Variants in MCF2L observed in about 807,000 individuals in gnomAD.
MCF2L encodes the protein MCF.2 cell line derived transforming sequence like.
In MCF2L, 97 loss-of-function variants were observed where a neutral mutation model predicts 153.4. The ratio of observed to expected loss-of-function variants is 0.63; its 90% confidence interval spans 0.54 to 0.75. The LOEUF (loss-of-function observed/expected upper bound fraction) is 0.75, where lower values mean the gene tolerates loss of function less well. MCF2L is among the 30% of genes least tolerant of loss of function. The probability of loss-of-function intolerance (pLI) is 0.00; values close to 1 mark genes in which losing one functional copy is unlikely to be tolerated. For synonymous variants in MCF2L, 659 were observed against 632.2 expected, an observed-to-expected ratio of 1.04 and a Z score of -0.64; for missense variants, 1,347 against 1,495.2, an observed-to-expected ratio of 0.90 and a Z score of 1.64.
At chr13:113,011,983 G>T (rs1293616704) in intron 1 of MCF2L, among the ~76,000 whole-genome samples, 2 of 113,270 alleles carry the variant, frequency 1.8e-5, no homozygotes, top group Non-Finnish European at 3.9e-5. Flanking sequence ...TGGGTGGATG[G>T]TGGACACTGC....
chr13:112,973,308 G>T (rs186163959), intron 1 of MCF2L, among the ~76,000 whole-genome samples: 7 of 152,290 alleles, frequency 4.6e-5, no homozygotes, highest in Non-Finnish European at 8.8e-5. Context: ...GCCAAATGAG[G>T]TACGTCTGTG....
rs776758887 is a variant in MCF2L at position 112,993,328 on chromosome 13, C to T, written c.80-21435C>T. Among the ~76,000 whole-genome samples, 25 of 152,172 alleles carry T rather than the reference C, an allele frequency of 1.6e-4. No individual in the cohort carries two copies. The highest frequency in any genetic ancestry group is 1.2e-3 in the Admixed American group (18 of 15,280). On this transcript the variant is annotated intron_variant, in intron 1 of 29. Coordinates refer to ENST00000535094, the MANE Select transcript of MCF2L (RefSeq NM_001112732.3). The surrounding 1 kb of genome is among the most constrained non-coding windows in gnomAD (Gnocchi z 4.6). ...CAGAGGCTTGGTGGGCAGTAGGGGC[C>T]GACCTGAGGGCTCTGGGGTCAACAC... is the stretch of plus-strand genomic sequence containing the variant.
intron 24 of MCF2L, 68 bp from the exon 25 acceptor site, chr13:113,088,494 T>C (rs1479196864): frequency 6.2e-6 from 10 of 1,605,378 alleles, no homozygotes; most frequent in East Asian, 2.2e-5. Flanking sequence ...AGTCCCCCCA[T>C]GCGCAAGGTG....
At chr13:113,020,837 A>G (rs2084830289) in intron 2 of MCF2L, among the ~76,000 whole-genome samples, 2 of 151,908 alleles carry the variant, frequency 1.3e-5, no homozygotes, top group Admixed American at 6.6e-5. Flanking sequence ...ATGTGTAGCT[A>G]TGTATGTTTG....
chr13:112,952,440 T>C (rs533018783), intron 2 of MCF2L, among the ~76,000 whole-genome samples: 4 of 152,304 alleles, frequency 2.6e-5, no homozygotes, highest in African/African-American at 9.6e-5. Flanking sequence ...GCCAACCACC[T>C]CCTTCTAAAG....
chr13:112,920,559 G>A (rs1038896531), intron 2 of MCF2L, among the ~76,000 whole-genome samples: 25 of 152,154 alleles, frequency 1.6e-4, no homozygotes, highest in African/African-American at 6.0e-4. Flanking sequence ...AGGATGGCAA[G>A]TAGCCTGCAC....
At chr13:112,992,375 C>T (rs552813320) in intron 1 of MCF2L, among the ~76,000 whole-genome samples, 12 of 152,310 alleles carry the variant, frequency 7.9e-5, no homozygotes, top group African/African-American at 2.2e-4. Flanking sequence ...GCCTAAACCT[C>T]GACCGTGCTT....
chr13:112,933,987 A>G (rs1164700052), intron 2 of MCF2L, among the ~76,000 whole-genome samples: 1 of 152,250 alleles, frequency 6.6e-6, no homozygotes, highest in Admixed American at 6.5e-5. Context: ...ATAGAAATCA[A>G]AATTCTCATT....
intron 1 of MCF2L, among the ~76,000 whole-genome samples, chr13:112,992,588 G>A (rs2082937063): frequency 6.6e-6 from 1 of 152,196 alleles, no homozygotes; most frequent in South Asian, 2.1e-4. Context: ...AAATAAGCGT[G>A]GCCTGTAGGA....
rs1294810557 is a variant in MCF2L, at chr13:112,932,119, G to C, written c.169+29748G>C. Among the ~76,000 whole-genome samples, 3 of 151,378 alleles carry C rather than the reference G, an allele frequency of 2.0e-5. No individual in the cohort carries two copies. Among genetic ancestry groups the C allele is most frequent in the Non-Finnish European group, 2.9e-5 (2 of 68,016 alleles). ...TATGTGGTTCCGAAGAGTTCAAGACGAAAAGAGGGAGAAAGAGTAACTTCC... is the reference window on the plus strand; with the variant it reads ...TATGTGGTTCCGAAGAGTTCAAGACCAAAAGAGGGAGAAAGAGTAACTTCC... On this transcript the variant is annotated intron_variant, in intron 2 of 29. Coordinates refer to the MCF2L transcript ENST00000375608. The surrounding 1 kb of genome is among the most constrained non-coding windows in gnomAD (Gnocchi z 4.6).
intron 1 of MCF2L, among the ~76,000 whole-genome samples, chr13:112,973,809 G>A (rs1038902417): frequency 6.6e-6 from 1 of 152,306 alleles, no homozygotes; most frequent in African/African-American, 2.4e-5. Flanking sequence ...CCACAGGCAA[G>A]GTCTCAGGAG....
chr13:112,895,856 C>T (rs182918893), intron 1 of MCF2L, among the ~76,000 whole-genome samples: 2 of 151,990 alleles, frequency 1.3e-5, no homozygotes, highest in East Asian at 3.9e-4. Flanking sequence ...CCGGGCTGTG[C>T]AGCGGTCCCG....
At chr13:113,044,566 T>G (rs1184587873) in intron 3 of MCF2L, 1 of 1,507,256 alleles carries the variant, frequency 6.6e-7, no homozygotes, top group South Asian at 1.2e-5. Flanking sequence ...GATTGGCTGG[T>G]GGTAGCAGCT....
In MCF2L at chr13:112,932,847, A is replaced by G. The variant is rs2081477002; in HGVS notation, c.169+30476A>G. Among the ~76,000 whole-genome samples, 1 of 152,176 alleles carries G rather than the reference A, an allele frequency of 6.6e-6. No homozygotes were observed. Among genetic ancestry groups the G allele is most frequent in the Admixed American group, 6.5e-5 (1 of 15,284 alleles). ...GGAGTTGAAGACCAGCCTGGCCAAC[A>G]TGGTGAAACCCCGTCTCTACTAAAA... On this transcript the variant is annotated intron_variant, in intron 2 of 29. Coordinates refer to the MCF2L transcript ENST00000375608. This position sits in a 1 kb window ranked among gnomAD's most constrained non-coding sequence, Gnocchi z 4.6.
rs186968153 is a variant in MCF2L at position 113,082,681 on chromosome 13, G to A, written c.1991+139G>A. 4.3e-4 allele frequency: 278 copies of A among 647,226 alleles called. 2 individuals carry two copies. In the East Asian group the frequency reaches 7.1e-3, roughly 16 times the overall value. The allele number at this position is 647,226 out of a possible 1,614,324, so 40.1% of individuals were successfully genotyped here. ...GCGCCCAAGGGGTGGACTCACAGAG[G>A]CACAGGCTTGAGTGTGGGTACATGG... On this transcript the variant is annotated intron_variant, in intron 17 of 29. Transcript: ENST00000535094.
intron 2 of MCF2L, 34 bp downstream of exon 2, chr13:113,014,880 G>A: frequency 6.2e-7 from 1 of 1,600,530 alleles, no homozygotes. Context: ...GGTGGAGAGG[G>A]AGGGGTCTGG....
rs893893861 is a variant in MCF2L at position 112,904,209 on chromosome 13, G to A, written c.169+1838G>A. ...GGTAGGTGTTAGGGGTAGGGGTAGC[G>A]TTTGGGGTAAGGCAGATTTAGGACT... On this transcript the variant is annotated intron_variant, in intron 2 of 29. Coordinates refer to the MCF2L transcript ENST00000375608. The surrounding 1 kb of genome is among the most constrained non-coding windows in gnomAD (Gnocchi z 4.2). 3.3e-5 allele frequency among the ~76,000 whole-genome samples: 5 copies of A among 152,036 alleles called. No individual in the cohort carries two copies. The highest frequency in any genetic ancestry group is 5.9e-5 in the Non-Finnish European group (4 of 67,986).
intron 1 of MCF2L, among the ~76,000 whole-genome samples, chr13:113,003,582 C>T (rs2083506107): frequency 6.6e-6 from 1 of 152,166 alleles, no homozygotes; most frequent in Non-Finnish European, 1.5e-5. Flanking sequence ...CCACCCCATC[C>T]TGCAGTTCCC....
At chr13:112,990,646 A>G (rs2082862136) in intron 1 of MCF2L, among the ~76,000 whole-genome samples, 5 of 152,190 alleles carry the variant, frequency 3.3e-5, no homozygotes, top group South Asian at 2.1e-4. Flanking sequence ...CAGAAAACCA[A>G]ACTGCTTTCT....
Sources: gnomAD v4.1 joint callset for allele counts (sites outside exome capture counted in the v4.1 genomes callset) on GRCh38, gnomAD v4.1.1 for gene constraint, Gnocchi (gnomAD v3.1) non-coding constraint, MANE v1.5 for transcripts, NCBI Gene and HGNC (gene_info 2026-07-23, HGNC 2026-07-21) for gene names.